Variants in SNX22 observed in about 807,000 individuals in gnomAD.
The protein encoded by SNX22 is sorting nexin-22.
SNX22 carries 23 observed loss-of-function variants against 24.7 expected under a neutral mutation model. The ratio of observed to expected loss-of-function variants is 0.93; its 90% CI spans 0.67 to 1.32. The LOEUF is 1.32. Ranked by LOEUF, SNX22 falls within the 40% of genes most tolerant of loss-of-function variation. SNX22 has a pLI of 0.00. For missense variants in SNX22, 261 were observed against 249.9 expected, an observed-to-expected ratio of 1.04 and a Z score of -0.30; for synonymous variants, 99 against 104.0, an observed-to-expected ratio of 0.95 and a Z score of 0.29.
rs73462555 is a variant in SNX22, at chr15:64,157,281, G to A, written c.*2773G>A. On this transcript the variant is annotated 3_prime_UTR_variant, in exon 7 of 7. Transcript: ENST00000325881. The surrounding 1 kb of genome is among the most constrained non-coding windows in gnomAD (Gnocchi z 4.2). ...AGGATGCAGGGGAGTCAACAGGGTC[G>A]GAACTCTCCAGAAAAGGAGGACTGC... 2.3e-4 allele frequency: 63 copies of A among 270,890 alleles called. No homozygotes were observed. Among genetic ancestry groups the A allele is most frequent in the African/African-American group, 1.3e-3 (58 of 46,056 alleles). 16.8% of individuals were successfully genotyped at this position (270,890 alleles called of 1,614,324 possible).
Position 64,157,159 on chromosome 15 carries a change from A to AGTTT in SNX22, c.*2652_*2655dup. ...CACAGAAGGATTACTTTGAGAAGAT[A>AGTTT]GTTTTGTGGCTTTTAAATAAGGCGC... On this transcript the variant is annotated 3_prime_UTR_variant, in exon 7 of 7. Coordinates refer to ENST00000325881, the MANE Select transcript of SNX22 (RefSeq NM_024798.3). The surrounding 1 kb of genome is among the most constrained non-coding windows in gnomAD (Gnocchi z 4.2). 1 of 565,738 alleles carries AGTTT rather than the reference A, an allele frequency of 1.8e-6. No homozygotes were observed. The highest frequency in any genetic ancestry group is 2.9e-5 in the East Asian group (1 of 34,032). 35.0% of individuals were successfully genotyped at this position (565,738 alleles called of 1,614,324 possible).
rs905795091 is a variant in SNX22, at chr15:64,151,770, G to T, written c.-6G>T. On this transcript the variant is annotated 5_prime_UTR_variant, in exon 1 of 7. Transcript: ENST00000325881. ...AGCGCGCGGAGCAGCTGGGGCCGGG[G>T]CGCGGATGCTGGAAGTTCACATCCC... is the stretch of plus-strand genomic sequence containing the variant. 6.5e-7 allele frequency: 1 copy of T among 1,534,238 alleles called. No homozygotes were observed. Among genetic ancestry groups the T allele is most frequent in the Non-Finnish European group, 8.8e-7 (1 of 1,142,842 alleles).
Position 64,152,640 on chromosome 15 carries a change from C to T in SNX22, c.162C>T (p.Ile54=), listed in dbSNP as rs2081495474. 1.2e-6 allele frequency: 2 copies of T among 1,614,100 alleles called. No homozygotes were observed. The highest frequency in any genetic ancestry group is 1.7e-6 in the Non-Finnish European group (2 of 1,179,940). ...YSEFHALHKR[I]KKLYKVPDFP... The stretch of plus-strand genomic sequence containing the variant: ...CGCACGCGGTAAACCTCCAGTAGAT[C>T]AAGAAGCTGTACAAAGTGCCCGACT... Residue 54 remains isoleucine, a splice_region_variant and synonymous_variant, in exon 3 of 7, where the codon ATC becomes ATT. Coordinates refer to ENST00000325881, the MANE Select transcript of SNX22 (RefSeq NM_024798.3).
At chr15:64,152,405 C>A in intron 2 of SNX22, 79 bp downstream of exon 2, 1 of 1,403,032 alleles carries the variant, frequency 7.1e-7, no homozygotes, top group Non-Finnish European at 9.5e-7. Context: ...GGCGGGCGGG[C>A]GAGCCCCAGC....
At chr15:64,153,131 C>A in intron 3 of SNX22, 114 bp from the exon 4 acceptor site, 1 of 1,313,426 alleles carries the variant, frequency 7.6e-7, no homozygotes, top group Non-Finnish European at 1.1e-6. Context: ...CAACGCTCTG[C>A]TGTCATTGTC....
Position 64,154,400 on chromosome 15 carries a change from C to G in SNX22, c.474C>G (p.Asn158Lys). 6.2e-7 allele frequency: 1 copy of G among 1,614,158 alleles called. No individual in the cohort carries two copies. The highest frequency in any genetic ancestry group is 8.5e-7 in the Non-Finnish European group (1 of 1,180,030). ...TCTATCCCACAGAGTCGCTGCCCAA[C>G]GTGGTGGTGAATGGTGTGCTCCAGG... ...VCNPSPESLP[N>K]VVVNGVLQGL... is the part of the protein sequence containing the mutation. The change falls in exon 7 of 7, where the codon AAC becomes AAG. Residue 158 changes from asparagine to lysine, a missense_variant. Asn to Lys is a moderately conservative substitution (Grantham distance 94). Coordinates refer to ENST00000325881, the MANE Select transcript of SNX22 (RefSeq NM_024798.3).
chr15:64,153,504 T>C, intron 4 of SNX22, 148 bp from the exon 5 acceptor site: 1 of 1,491,074 alleles, frequency 6.7e-7, no homozygotes, highest in East Asian at 2.3e-5. Context: ...ACAGACTTGG[T>C]TACCCCCGCC....
intron 1 of SNX22, 171 bp from the exon 2 acceptor site, chr15:64,152,072 C>A: frequency 1.3e-6 from 1 of 784,968 alleles, no homozygotes; most frequent in Non-Finnish European, 1.9e-6. Flanking sequence ...GCAGGTCCGC[C>A]AGCCGGTTCT....
At position 64,154,081 on chromosome 15, in the gene SNX22, G is replaced by A. The variant is rs760561251; in HGVS notation, c.460+79G>A. The A allele has an allele frequency of 8.7e-6, 14 of 1,613,266 alleles. No individual in the cohort carries two copies. The African/African-American group carries it at 1.9e-4, about 22-fold the overall frequency. On this transcript the variant is annotated intron_variant, in intron 6 of 6. Transcript: ENST00000325881. The stretch of plus-strand genomic sequence containing the variant: ...TCTCGGCTCCTGGGACCCTCAGACA[G>A]CATCTCCTTCCTGCTGCCCACCTCT...
intron 4 of SNX22, 48 bp downstream of exon 4, chr15:64,153,387 G>C: frequency 6.2e-7 from 1 of 1,610,684 alleles, no homozygotes; most frequent in Non-Finnish European, 8.5e-7. Flanking sequence ...CAGTGAGCAG[G>C]TGAGGAAAGG....
Position 64,155,863 on chromosome 15 carries a change from G to T in SNX22, c.*1355G>T. The T allele has an allele frequency of 9.4e-7, 1 of 1,062,164 alleles. No homozygotes were observed. The highest frequency in any genetic ancestry group is 1.4e-6 in the Non-Finnish European group (1 of 702,060). The allele number at this position is 1,062,164 out of a possible 1,614,324, so 65.8% of individuals were successfully genotyped here. A position where few individuals can be genotyped will look rare whatever the true frequency, so the allele number is the denominator to read the frequency against. Reference sequence around the variant, plus strand: ...CATTTTTTTTTATTGGTCAGTGTTGGTAGGAGTTTGTTACAAAAGTGAGTC... The same window carrying T: ...CATTTTTTTTTATTGGTCAGTGTTGTTAGGAGTTTGTTACAAAAGTGAGTC... On this transcript the variant is annotated 3_prime_UTR_variant, in exon 7 of 7. Transcript: ENST00000325881.
Position 64,156,554 on chromosome 15 carries a change from G to T in SNX22, c.*2046G>T, listed in dbSNP as rs147098192. On this transcript the variant is annotated 3_prime_UTR_variant, in exon 7 of 7. Coordinates refer to ENST00000325881, the MANE Select transcript of SNX22 (RefSeq NM_024798.3). This position sits in a 1 kb window ranked among gnomAD's most constrained non-coding sequence, Gnocchi z 6.4. Reference sequence around the variant, plus strand: ...GCTCTGAGGGGGCTGGAAGAATTTAGAACCTTGGAGGCATGGAGGTACAGG... The same window carrying T: ...GCTCTGAGGGGGCTGGAAGAATTTATAACCTTGGAGGCATGGAGGTACAGG... 792 of 860,422 alleles carry T rather than the reference G, an allele frequency of 9.2e-4. 7 individuals carry two copies. Among genetic ancestry groups the T allele is most frequent in the Middle Eastern group, 7.6e-3 (24 of 3,144 alleles). The allele number at this position is 860,422 out of a possible 1,614,324, so 53.3% of individuals were successfully genotyped here.
chr15:64,154,470 G>A lies in SNX22; in HGVS notation c.544G>A (p.Ala182Thr). The A allele has an allele frequency of 6.2e-7, 1 of 1,614,186 alleles. No individual in the cohort carries two copies. Among genetic ancestry groups the A allele is most frequent in the Non-Finnish European group, 8.5e-7 (1 of 1,180,040 alleles). The change falls in exon 7 of 7, where the codon GCG (alanine) becomes ACG (threonine). Residue 182 changes from alanine to threonine, a missense_variant. Coordinates refer to ENST00000325881, the MANE Select transcript of SNX22 (RefSeq NM_024798.3). ...CAGCCCAGATAAAGCCCAGCCAAAG[G>A]CGGCCTGTCACCCTGCTCCTCTGCC... is the stretch of plus-strand genomic sequence containing the variant. The part of the protein sequence containing the change: ...SISPDKAQPK[A>T]ACHPAPLPPM...
At chr15:64,152,044 A>ACC (rs1393307953) in intron 1 of SNX22, 194 bp downstream of exon 1, 6 of 739,122 alleles carry the variant, frequency 8.1e-6, no homozygotes, top group Non-Finnish European at 1.2e-5. Context: ...CTCTTGAGGG[A>ACC]CCCCAGGGCT....
chr15:64,153,975 GATCC>G lies in SNX22; in HGVS notation c.434_437del (p.Asp145AlafsTer16). The G allele has an allele frequency of 1.9e-6, 3 of 1,613,868 alleles. No individual in the cohort carries two copies. Among genetic ancestry groups the G allele is most frequent in the Non-Finnish European group, 2.5e-6 (3 of 1,179,952 alleles). The stretch of plus-strand genomic sequence containing the variant: ...GCGGCCTGTCCTGAGCTTCCATGTG[GATCC>G]CTATGTTTGCAACCCCTCCCCAGGT... On this transcript the variant is annotated frameshift_variant, in exon 6 of 7. Transcript: ENST00000325881. LOFTEE classifies it low-confidence loss of function (END_TRUNC).
chr15:64,152,176 G>A, intron 1 of SNX22, 67 bp from the exon 2 acceptor site: 1 of 1,319,990 alleles, frequency 7.6e-7, no homozygotes, highest in Non-Finnish European at 9.8e-7. Flanking sequence ...ACGTCGCCAG[G>A]CGCAGGTGCT....
At position 64,151,845 on chromosome 15, in the gene SNX22, C is replaced by G. The variant is rs1165626163; in HGVS notation, c.70C>G (p.His24Asp). Residue 24 changes from histidine (H) to aspartate (D), a missense_variant, in exon 1 of 7, where the codon CAC (histidine) becomes GAC (aspartate). By Grantham distance (81) the His-to-Asp change is moderately conservative. Coordinates refer to ENST00000325881, the MANE Select transcript of SNX22 (RefSeq NM_024798.3). ...GCCCAGGCAGAGCCCGGAGAAAAGCCACATGGTGAGCGCGGCCCCTGGATG... is the reference window on the plus strand; with the variant it reads ...GCCCAGGCAGAGCCCGGAGAAAAGCGACATGGTGAGCGCGGCCCCTGGATG... ...EGPRQSPEKS[H>D]MVFRVEVLCS... 1.3e-6 allele frequency: 2 copies of G among 1,536,536 alleles called. No individual in the cohort carries two copies. The highest frequency in any genetic ancestry group is 5.0e-5 in the East Asian group (2 of 39,858).
Position 64,153,701 on chromosome 15 carries a change from G to A in SNX22, c.392+17G>A, listed in dbSNP as rs1567343289. On this transcript the variant is annotated intron_variant, in intron 5 of 6. Coordinates refer to ENST00000325881, the MANE Select transcript of SNX22 (RefSeq NM_024798.3). The stretch of plus-strand genomic sequence containing the variant: ...CGACAGCAGGCAAGTCAAAGCCCTA[G>A]CCCGCGCTTGGCCCCTGCTGCCCCC... 6.2e-7 allele frequency: 1 copy of A among 1,614,054 alleles called. No individual in the cohort carries two copies. The highest frequency in any genetic ancestry group is 8.5e-7 in the Non-Finnish European group (1 of 1,179,998).
chr15:64,153,950 G>T lies in SNX22; in HGVS notation c.408G>T (p.Gln136His), dbSNP rs1176384081. 1 of 1,612,960 alleles carries T rather than the reference G, an allele frequency of 6.2e-7. No individual in the cohort carries two copies. Among genetic ancestry groups the T allele is most frequent in the Non-Finnish European group, 8.5e-7 (1 of 1,179,628 alleles). ...TTCCTCCCAGCTCCCAGCAGCACCAGCGGCCTGTCCTGAGCTTCCATGTGG... is the reference window on the plus strand; with the variant it reads ...TTCCTCCCAGCTCCCAGCAGCACCATCGGCCTGTCCTGAGCTTCCATGTGG... ...LPGDSSSQQH[Q>H]RPVLSFHVDP... The change falls in exon 6 of 7, where the codon CAG becomes CAT. Residue 136 changes from glutamine (Q) to histidine (H), a missense_variant. Coordinates refer to ENST00000325881, the MANE Select transcript of SNX22 (RefSeq NM_024798.3).
Sources: gnomAD v4.1 joint callset for allele counts on GRCh38, gnomAD v4.1.1 for gene constraint, Gnocchi (gnomAD v3.1) non-coding constraint, MANE v1.5 for transcripts, NCBI Gene and HGNC (gene_info 2026-07-23, HGNC 2026-07-21) for gene names.